Variants in F8 observed in about 807,000 individuals in gnomAD.
F8 encodes the protein coagulation factor VIII, also known as antihemophilic factor.
Under a neutral mutation model 140.6 loss-of-function variants are expected in F8, and 12 were observed. The ratio of observed to expected loss-of-function variants is 0.09; its 90% CI spans 0.05 to 0.14. The LOEUF is 0.14. F8 is among the 10% of genes least tolerant of loss of function. F8 has a pLI of 1.00. For missense variants in F8, 1,354 were observed against 1,720.7 expected, an observed-to-expected ratio of 0.79 and a Z score of 3.77; for synonymous variants, 585 against 614.6, an observed-to-expected ratio of 0.95 and a Z score of 0.71.
intron 1 of F8, among the ~76,000 whole-genome samples, chrX:155,008,249 T>G (rs1250450990): frequency 2.7e-5 from 3 of 111,586 alleles, no homozygotes; most frequent in Non-Finnish European, 5.7e-5. Flanking sequence ...ACATGGGGTT[T>G]GGGAATCAAA....
Position 154,902,792 on chromosome X carries a change from CAGCTGTAAATAGGTA to C in F8, c.5999-640_5999-626del, listed in dbSNP as rs782457811. Among the ~76,000 whole-genome samples, 11 of 112,259 alleles carry C rather than the reference CAGCTGTAAATAGGTA, an allele frequency of 9.8e-5. No homozygotes were observed. The South Asian group carries it at 4.0e-3, about 41-fold the overall frequency. On this transcript the variant is annotated intron_variant, in intron 18 of 25. Transcript: ENST00000360256. ...TTAAGCTAGTTTACAACAATGGTGC[CAGCTGTAAATAGGTA>C]AGAACTATCTTATCCCCTTACCTTT...
chrX:154,930,178 A>G lies in F8; in HGVS notation c.3612T>C (p.Asn1204=), dbSNP rs1557278616. The change falls in exon 14 of 26, where the codon AAT becomes AAC. Residue 1204 remains asparagine (N), a synonymous_variant. Coordinates refer to ENST00000360256, the MANE Select transcript of F8 (RefSeq NM_000132.4). The stretch of plus-strand genomic sequence containing the variant: ...TTTTTTTTTCTTGATTGTGTGTATT[A>G]TTTTCATGTAAATTATCCAAGTTAG... ...FLTNLDNLHE[N]NTHNQEKKIQ... The G allele has an allele frequency of 5.0e-6, 6 of 1,205,484 alleles. No homozygotes were observed. In the Middle Eastern group the frequency reaches 9.2e-4, roughly 186 times the overall value.
rs28370201 is a variant in F8 at position 154,997,114 on chromosome X, C to T, written c.266-19G>A. 1,477 of 1,209,095 alleles carry T rather than the reference C, an allele frequency of 1.2e-3. 11 individuals are homozygous for T. The African/African-American group carries it at 0.021, about 17-fold the overall frequency. On this transcript the variant is annotated intron_variant, in intron 2 of 25. Coordinates refer to ENST00000360256, the MANE Select transcript of F8 (RefSeq NM_000132.4). The stretch of plus-strand genomic sequence containing the variant: ...AGCAGACCTGTAAGAATGAGATGTC[C>T]GCCAAAGGTTACTTGGGGATAGTAC...
At chrX:154,861,960 T>C in intron 23 of F8, 94 bp from the exon 24 acceptor site, 2 of 909,631 alleles carry the variant, frequency 2.2e-6, no homozygotes, top group Non-Finnish European at 3.2e-6. Context: ...GCTACTGTCA[T>C]CATAATATCA....
intron 22 of F8, among the ~76,000 whole-genome samples, chrX:154,867,074 C>A (rs1160711678): frequency 9.0e-6 from 1 of 111,473 alleles, no homozygotes; most frequent in Non-Finnish European, 1.9e-5. Context: ...TAAGTGTCAA[C>A]AAATTGGTTA....
chrX:155,015,231 T>C (rs1188631385), intron 1 of F8, among the ~76,000 whole-genome samples: 1 of 112,021 alleles, frequency 8.9e-6, no homozygotes, highest in Non-Finnish European at 1.9e-5. Flanking sequence ...ATACTAATGC[T>C]AAAATGATAA....
intron 1 of F8, among the ~76,000 whole-genome samples, chrX:155,008,657 C>T (rs1021455820): frequency 1.4e-4 from 16 of 110,886 alleles, no homozygotes; most frequent in Non-Finnish European, 3.0e-4. Flanking sequence ...AGGTGTGCGC[C>T]GGGATTGCCC....
At position 154,957,139 on chromosome X, in the gene F8, G is replaced by C; in HGVS notation, c.1570C>G (p.Pro524Ala). 1.7e-6 allele frequency: 2 copies of C among 1,210,303 alleles called. No individual in the cohort carries two copies. The highest frequency in any genetic ancestry group is 2.2e-6 in the Non-Finnish European group (2 of 894,811). Residue 524 changes from proline (P) to alanine (A), a missense_variant, in exon 11 of 26, where the codon CCA becomes GCA. Around this residue, in one of 4 missense-constraint regions of F8, gnomAD observed 252 missense variants for 338.5 expected, o/e 0.74. Coordinates refer to ENST00000360256, the MANE Select transcript of F8 (RefSeq NM_000132.4). ...VKHLKDFPIL[P>A]GEIFKYKWTV... ...CATTTATATTTGAATATTTCTCCTG[G>C]CAGAATTGGAAAATCCTTCAAATGT...
intron 22 of F8, among the ~76,000 whole-genome samples, chrX:154,869,588 A>G (rs782232193): frequency 2.9e-4 from 33 of 111,994 alleles, no homozygotes; most frequent in African/African-American, 1.0e-3. Context: ...CCACAAGAGA[A>G]AGCAAGAAAA....
intron 25 of F8, among the ~76,000 whole-genome samples, chrX:154,838,236 C>T (rs1557271100): frequency 8.9e-6 from 1 of 112,158 alleles, no homozygotes; most frequent in Non-Finnish European, 1.9e-5. Context: ...TGTGGCTGGG[C>T]AACCTTGGCA....
intron 2 of F8, among the ~76,000 whole-genome samples, chrX:154,998,993 C>T (rs2073632558): frequency 9.0e-6 from 1 of 111,180 alleles, no homozygotes; most frequent in South Asian, 3.7e-4. Flanking sequence ...GTAAGCAACA[C>T]ATAAAACACC....
intron 13 of F8, among the ~76,000 whole-genome samples, chrX:154,945,088 A>G (rs1370150669): frequency 1.8e-5 from 2 of 110,304 alleles, no homozygotes; most frequent in Non-Finnish European, 3.8e-5. Context: ...GTTAATGGGT[A>G]CAGCACACCA....
At chrX:154,998,669 T>C (rs939571299) in intron 2 of F8, among the ~76,000 whole-genome samples, 2 of 111,993 alleles carry the variant, frequency 1.8e-5, no homozygotes, top group African/African-American at 6.5e-5. Flanking sequence ...GCTTTTTCTA[T>C]TGGGGTTATC....
intron 6 of F8, 44 bp downstream of exon 6, chrX:154,984,643 G>A (rs1557284035): frequency 1.4e-5 from 14 of 1,012,114 alleles, no homozygotes; most frequent in Non-Finnish European, 2.0e-5. Flanking sequence ...CTCTGGTGCT[G>A]AATTTGGAAG....
At chrX:154,868,675 G>T (rs2148570731) in intron 22 of F8, among the ~76,000 whole-genome samples, 1 of 111,572 alleles carries the variant, frequency 9.0e-6, no homozygotes, top group South Asian at 3.8e-4. Context: ...CATAATGACA[G>T]GATCAAATTC....
chrX:154,910,743 C>G (rs1348170507), intron 14 of F8, among the ~76,000 whole-genome samples: 2 of 110,662 alleles, frequency 1.8e-5, no homozygotes, highest in South Asian at 4.0e-4. Context: ...TCCCCCAGCC[C>G]GACACCCGTA....
intron 9 of F8, among the ~76,000 whole-genome samples, chrX:154,964,727 A>G (rs977764620): frequency 1.8e-5 from 2 of 111,776 alleles, no homozygotes; most frequent in Admixed American, 1.9e-4. Flanking sequence ...AAGAGAATAA[A>G]ATATAGACTA....
chrX:154,987,881 T>A (rs1557284372), intron 4 of F8, among the ~76,000 whole-genome samples: 1 of 112,414 alleles, frequency 8.9e-6, no homozygotes, highest in Non-Finnish European at 1.9e-5. Context: ...AATTATATAT[T>A]TTTTAAATTT....
chrX:154,965,782 G>C, intron 9 of F8, 188 bp downstream of exon 9: 1 of 435,602 alleles, frequency 2.3e-6, no homozygotes, highest in Non-Finnish European at 3.9e-6. Flanking sequence ...TTTAGTGGGT[G>C]ACATTAAATT....
Sources: gnomAD v4.1 joint callset for allele counts (sites outside exome capture counted in the v4.1 genomes callset) on GRCh38, gnomAD v4.1.1 for gene constraint, gnomAD v4.1.1 regional missense constraint, MANE v1.5 for transcripts, NCBI Gene and HGNC (gene_info 2026-07-23, HGNC 2026-07-21) for gene names.